The following UBE2G1 variants were observed in gnomAD, a reference collection of about 807,000 sequenced individuals.
UBE2G1 encodes ubiquitin conjugating enzyme E2 G1, also known as ubiquitin-conjugating enzyme E2 G1.
In UBE2G1, 5 loss-of-function variants were observed where a neutral mutation model predicts 22.7. The ratio of observed to expected loss-of-function variants is 0.22; its 90% CI spans 0.12 to 0.46. UBE2G1 has a LOEUF of 0.46. Ranked by LOEUF, UBE2G1 falls within the 20% of genes least tolerant of loss-of-function variation. The pLI, the probability that UBE2G1 is intolerant of heterozygous loss-of-function variation, is 0.99. For synonymous variants in UBE2G1, 74 were observed against 67.5 expected, an observed-to-expected ratio of 1.10 and a Z score of -0.47; for missense variants, 88 against 203.9, an observed-to-expected ratio of 0.43 and a Z score of 3.46.
chr17:4,320,595 T>C (rs958732110), intron 1 of UBE2G1, among the ~76,000 whole-genome samples: 1 of 152,236 alleles, frequency 6.6e-6, no homozygotes, highest in African/African-American at 2.4e-5. Context: ...AGTAGTAGAA[T>C]ATTTTCAACT....
At chr17:4,275,837 C>A (rs756455352) in intron 5 of UBE2G1, among the ~76,000 whole-genome samples, 1 of 152,198 alleles carries the variant, frequency 6.6e-6, no homozygotes, top group Non-Finnish European at 1.5e-5. Flanking sequence ...CCAGTGTACT[C>A]CTGCTCCGTC....
chr17:4,321,817 G>A (rs963342782), intron 1 of UBE2G1, among the ~76,000 whole-genome samples: 3 of 152,116 alleles, frequency 2.0e-5, no homozygotes. Flanking sequence ...GAGTCTAAGG[G>A]ATGAAGGCAA....
intron 3 of UBE2G1, among the ~76,000 whole-genome samples, chr17:4,289,739 A>C (rs1012830140): frequency 9.2e-5 from 14 of 152,224 alleles, no homozygotes; most frequent in African/African-American, 3.4e-4. Context: ...CAACTATTGG[A>C]TGTGTTCTTC....
intron 1 of UBE2G1, among the ~76,000 whole-genome samples, chr17:4,310,561 A>T (rs538511555): frequency 6.6e-6 from 1 of 152,290 alleles, no homozygotes; most frequent in East Asian, 1.9e-4. Flanking sequence ...AGCTGAAACT[A>T]AACAGAATGT....
chr17:4,272,111 C>G lies in UBE2G1; in HGVS notation c.*443G>C, dbSNP rs1968767591. On this transcript the variant is annotated 3_prime_UTR_variant, in exon 6 of 6. Coordinates refer to ENST00000396981, the MANE Select transcript of UBE2G1 (RefSeq NM_003342.5). ...ACTTTTAATCCTAATTGCTTTTCAT[C>G]TGACATGCTTAAAGGAATCCTTTTA... 6.6e-6 allele frequency: 1 copy of G among 152,570 alleles called. No individual in the cohort carries two copies. Among genetic ancestry groups the G allele is most frequent in the Admixed American group, 6.5e-5 (1 of 15,272 alleles). 9.5% of individuals were successfully genotyped at this position (152,570 alleles called of 1,614,324 possible).
Position 4,366,326 on chromosome 17 carries a change from C to A in UBE2G1, c.-10G>T. 6.5e-7 allele frequency: 1 copy of A among 1,541,854 alleles called. No homozygotes were observed. The highest frequency in any genetic ancestry group is 8.7e-7 in the Non-Finnish European group (1 of 1,153,342). On this transcript the variant is annotated 5_prime_UTR_variant, in exon 1 of 6. Transcript: ENST00000396981. ...ACTGCAGCTCCGTCATCCTCCCTGC[C>A]GAGGGCCCGGGCTGGCGCCGGGGCT...
At chr17:4,287,954 T>C (rs547416532) in intron 4 of UBE2G1, among the ~76,000 whole-genome samples, 1 of 152,238 alleles carries the variant, frequency 6.6e-6, no homozygotes, top group East Asian at 1.9e-4. Flanking sequence ...ATATAGATTA[T>C]ATATGCATAA....
intron 5 of UBE2G1, among the ~76,000 whole-genome samples, chr17:4,277,076 A>G (rs902752664): frequency 6.6e-6 from 1 of 152,230 alleles, no homozygotes; most frequent in African/African-American, 2.4e-5. Context: ...CAGTCTACCC[A>G]CACCTGGCTC....
intron 4 of UBE2G1, among the ~76,000 whole-genome samples, chr17:4,286,804 G>A (rs984766199): frequency 6.6e-6 from 1 of 152,096 alleles, no homozygotes; most frequent in African/African-American, 2.4e-5. Context: ...CACCTCAGGA[G>A]GCCAAGGCGG....
At chr17:4,330,222 A>C (rs529890280) in intron 1 of UBE2G1, among the ~76,000 whole-genome samples, 56 of 152,292 alleles carry the variant, frequency 3.7e-4, no homozygotes, top group African/African-American at 1.3e-3. Flanking sequence ...CAACAATCGA[A>C]AATCTAAATG....
intron 5 of UBE2G1, among the ~76,000 whole-genome samples, chr17:4,274,576 A>G (rs1236134557): frequency 6.6e-6 from 1 of 151,802 alleles, no homozygotes; most frequent in African/African-American, 2.4e-5. Context: ...CATTTAGACA[A>G]CCTCCCTACA....
At chr17:4,336,537 AC>A (rs1378609671) in intron 1 of UBE2G1, among the ~76,000 whole-genome samples, 2 of 151,846 alleles carry the variant, frequency 1.3e-5, no homozygotes, top group African/African-American at 4.8e-5. Context: ...TACAACAAAA[AC>A]TTTTTTTTTT....
In UBE2G1 at chr17:4,296,815, C is replaced by T; in HGVS notation, c.150-1G>A. ...ATGAGCCTTAAAAACACCACCTTCA[C>T]TGGAAAAAAGAACAAAAAGAAGTTC... On this transcript the variant is annotated splice_acceptor_variant, in intron 2 of 5. Transcript: ENST00000396981. LOFTEE classifies it high-confidence loss of function. The T allele has an allele frequency of 6.2e-7, 1 of 1,612,474 alleles. No individual in the cohort carries two copies. Among genetic ancestry groups the T allele is most frequent in the Non-Finnish European group, 8.5e-7 (1 of 1,179,270 alleles).
Position 4,269,970 on chromosome 17 carries a change from T to C in UBE2G1, c.*2584A>G, listed in dbSNP as rs11552811. On this transcript the variant is annotated 3_prime_UTR_variant, in exon 6 of 6. Coordinates refer to ENST00000396981, the MANE Select transcript of UBE2G1 (RefSeq NM_003342.5). The stretch of plus-strand genomic sequence containing the variant: ...AATGTAGAGGCATTTAAATTTACAT[T>C]ATCAGATGAACACTGAGAAAGGCAC... 2.2e-3 allele frequency: 340 copies of C among 152,686 alleles called. No individual in the cohort carries two copies. Among genetic ancestry groups the C allele is most frequent in the Non-Finnish European group, 3.9e-3 (264 of 68,018 alleles). The allele number at this position is 152,686 out of a possible 1,614,324, so 9.5% of individuals were successfully genotyped here.
chr17:4,308,345 CTCTG>C (rs1258269524), intron 1 of UBE2G1, among the ~76,000 whole-genome samples: 5 of 151,046 alleles, frequency 3.3e-5, no homozygotes, highest in Non-Finnish European at 7.4e-5. Context: ...AAGGGCAAAA[CTCTG>C]TCTCAAAAAA....
At chr17:4,315,802 T>C (rs1463187727) in intron 1 of UBE2G1, among the ~76,000 whole-genome samples, 1 of 5,700 alleles carries the variant, frequency 1.8e-4, no homozygotes, top group Non-Finnish European at 0.042. Context: ...AGAGGCTCCT[T>C]TTTTTTTTTT....
chr17:4,298,834 G>A (rs1334505971), intron 2 of UBE2G1, among the ~76,000 whole-genome samples: 1 of 152,092 alleles, frequency 6.6e-6, no homozygotes, highest in African/African-American at 2.4e-5. Flanking sequence ...AATGAAGTAA[G>A]GCCCACCATA....
intron 1 of UBE2G1, among the ~76,000 whole-genome samples, chr17:4,319,473 T>G (rs1039523329): frequency 2.0e-5 from 3 of 152,262 alleles, no homozygotes; most frequent in African/African-American, 7.2e-5. Context: ...TGGTGGCTCA[T>G]GCCTGTAATC....
chr17:4,316,670 C>T (rs117191416), intron 1 of UBE2G1, among the ~76,000 whole-genome samples: 503 of 152,170 alleles, frequency 3.3e-3, no homozygotes, highest in Non-Finnish European at 6.0e-3. Context: ...CACGGGCTAC[C>T]GGCTAGCTGA....
Sources: gnomAD v4.1 joint callset for allele counts (sites outside exome capture counted in the v4.1 genomes callset) on GRCh38, gnomAD v4.1.1 for gene constraint, MANE v1.5 for transcripts, NCBI Gene and HGNC (gene_info 2026-07-23, HGNC 2026-07-21) for gene names.